PDPR: variants seen among roughly 807,000 people sequenced by gnomAD.
PDPR encodes pyruvate dehydrogenase phosphatase regulatory subunit, also known as pyruvate dehydrogenase phosphatase regulatory subunit, mitochondrial.
Under a neutral mutation model 102.2 loss-of-function variants are expected in PDPR, and 50 were observed. That is an observed-to-expected ratio of 0.49 (90% CI 0.39 to 0.62). PDPR has a LOEUF of 0.62. Ranked by LOEUF, PDPR falls within the 20% of genes least tolerant of loss-of-function variation. The pLI, the probability that PDPR is intolerant of heterozygous loss-of-function variation, is 0.00. For missense variants in PDPR, 625 were observed against 1,098.2 expected, an observed-to-expected ratio of 0.57 and a Z score of 6.09; for synonymous variants, 259 against 406.0, an observed-to-expected ratio of 0.64 and a Z score of 4.35.
intron 10 of PDPR, among the ~76,000 whole-genome samples, chr16:70,137,142 T>C (rs545742730): frequency 3.7e-3 from 567 of 152,034 alleles, no homozygotes; most frequent in Middle Eastern, 0.027. Context: ...CACAAGGTCA[T>C]GAGATCGAGA....
At chr16:70,134,420 T>A (rs1423636495) in intron 9 of PDPR, among the ~76,000 whole-genome samples, 1 of 151,776 alleles carries the variant, frequency 6.6e-6, no homozygotes, top group Non-Finnish European at 1.5e-5. Flanking sequence ...GAGATGGGGT[T>A]TCACTATTTG....
intron 2 of PDPR, among the ~76,000 whole-genome samples, chr16:70,118,314 A>T (rs1398759421): frequency 6.6e-6 from 1 of 152,244 alleles, no homozygotes; most frequent in Non-Finnish European, 1.5e-5. Flanking sequence ...TCAGGGAATG[A>T]GATGAGCCAG....
At chr16:70,145,605 T>A in intron 15 of PDPR, 1 of 380,200 alleles carries the variant, frequency 2.6e-6, no homozygotes, top group South Asian at 2.0e-5. Context: ...GCAAATATGA[T>A]ATACGTCCTG....
At chr16:70,133,274 A>T (rs1964733245) in intron 9 of PDPR, among the ~76,000 whole-genome samples, 1 of 151,044 alleles carries the variant, frequency 6.6e-6, no homozygotes, top group Non-Finnish European at 1.5e-5. Flanking sequence ...AGCGCCTGCC[A>T]CCACTCCCGA....
Position 70,128,837 on chromosome 16 carries a change from T to G in PDPR, c.415T>G (p.Ser139Ala). ...FLAQTQDRLI[S>A]LKRINAGLNV... Reference sequence around the variant, plus strand: ...GGCCCAAACTCAGGACCGACTGATCTCCCTGAAGCGCATCAACGCAGGGCT... The same window carrying G: ...GGCCCAAACTCAGGACCGACTGATCGCCCTGAAGCGCATCAACGCAGGGCT... Residue 139 changes from serine (S) to alanine (A), a missense_variant, in exon 5 of 19, where the codon TCC becomes GCC. Physicochemically the swap from Ser to Ala is moderately conservative, Grantham distance 99. This residue lies in a region of PDPR where 5 missense variants were observed against 92.5 expected (regional missense o/e 0.05). Coordinates refer to ENST00000288050, the MANE Select transcript of PDPR (RefSeq NM_017990.5). 1 of 1,613,524 alleles carries G rather than the reference T, an allele frequency of 6.2e-7. No individual in the cohort carries two copies. The highest frequency in any genetic ancestry group is 8.5e-7 in the Non-Finnish European group (1 of 1,179,618).
chr16:70,139,855 C>G (rs1271897116), intron 11 of PDPR, among the ~76,000 whole-genome samples: 1 of 152,272 alleles, frequency 6.6e-6, no homozygotes, highest in African/African-American at 2.4e-5. Flanking sequence ...GACCACCATT[C>G]TTGGTTGCAA....
intron 9 of PDPR, among the ~76,000 whole-genome samples, chr16:70,133,229 C>A (rs549321603): frequency 6.6e-6 from 1 of 151,118 alleles, no homozygotes; most frequent in Non-Finnish European, 1.5e-5. Context: ...ATTCTCCTGC[C>A]TCAGCCTCCA....
At chr16:70,123,733 C>G (rs1282120263) in intron 3 of PDPR, among the ~76,000 whole-genome samples, 2 of 152,252 alleles carry the variant, frequency 1.3e-5, no homozygotes, top group African/African-American at 4.8e-5. Flanking sequence ...TGATATAAGG[C>G]AGACTATTTA....
Position 70,148,519 on chromosome 16 carries a change from G to T in PDPR, c.2018G>T (p.Gly673Val). Residue 673 changes from glycine to valine, a missense_variant, in exon 17 of 19, where the codon GGA becomes GTA. By Grantham distance (109) the Gly-to-Val change is moderately radical. This residue lies in a region of PDPR where 36 missense variants were observed against 62.8 expected (regional missense o/e 0.57). Coordinates refer to ENST00000288050, the MANE Select transcript of PDPR (RefSeq NM_017990.5). ...CGGGTGATGAGCATGACGCACACAG[G>T]AGAGCCAGGATTCATGCTCTACATC... ...GIRVMSMTHTGEPGFMLYIPI... is the reference protein window; with the variant it reads ...GIRVMSMTHTVEPGFMLYIPI... The T allele has an allele frequency of 6.2e-7, 1 of 1,613,488 alleles. No individual in the cohort carries two copies. The highest frequency in any genetic ancestry group is 8.5e-7 in the Non-Finnish European group (1 of 1,179,594).
At chr16:70,163,266 GTTTTT>G (rs67708146), downstream of PDPR, among the ~76,000 whole-genome samples, 31 of 149,498 alleles carry the variant, frequency 2.1e-4, no homozygotes, top group Non-Finnish European at 1.5e-4. Flanking sequence ...TTTTTGAGTA[GTTTTT>G]TTTTTTTTAA....
intron 3 of PDPR, among the ~76,000 whole-genome samples, chr16:70,122,903 G>A (rs28889346): frequency 6.7e-6 from 1 of 150,256 alleles, no homozygotes; most frequent in African/African-American, 2.5e-5. Context: ...TTTATGCAGT[G>A]GATAGTTTTT....
At position 70,157,164 on chromosome 16, in the gene PDPR, C is replaced by A. The variant is rs753721691; in HGVS notation, c.*285C>A. 1.6e-6 allele frequency: 1 copy of A among 640,222 alleles called. No individual in the cohort carries two copies. The highest frequency in any genetic ancestry group is 1.5e-5 in the South Asian group (1 of 66,066). The allele number at this position is 640,222 out of a possible 1,614,324, so 39.7% of individuals were successfully genotyped here. A position where few individuals can be genotyped will look rare whatever the true frequency, so the allele number is the denominator to read the frequency against. ...GGAGGTATGTCTGACAGGACAGAAGCAAGCTCCACTGTGGACATGAGTGAT... is the reference window on the plus strand; with the variant it reads ...GGAGGTATGTCTGACAGGACAGAAGAAAGCTCCACTGTGGACATGAGTGAT... On this transcript the variant is annotated 3_prime_UTR_variant, in exon 19 of 19. Transcript: ENST00000288050.
At chr16:70,126,595 C>T (rs1963996049) in intron 3 of PDPR, among the ~76,000 whole-genome samples, 1 of 152,246 alleles carries the variant, frequency 6.6e-6, no homozygotes, top group African/African-American at 2.4e-5. Flanking sequence ...GATCTCCTGA[C>T]CTTGTGATCC....
At position 70,156,836 on chromosome 16, in the gene PDPR, G is replaced by T. The variant is rs375340611; in HGVS notation, c.2597G>T (p.Arg866Leu). 1 of 1,613,970 alleles carries T rather than the reference G, an allele frequency of 6.2e-7. No homozygotes were observed. The highest frequency in any genetic ancestry group is 8.5e-7 in the Non-Finnish European group (1 of 1,179,884). The change falls in exon 19 of 19, where the codon CGC (arginine) becomes CTC (leucine). Residue 866 changes from arginine (R) to leucine (L), a missense_variant. Coordinates refer to ENST00000288050, the MANE Select transcript of PDPR (RefSeq NM_017990.5). ...YPVASLFTQKRRKDDMELSDL... is the reference protein window; with the variant it reads ...YPVASLFTQKLRKDDMELSDL... ...GTCGCCTCCCTCTTCACCCAGAAGC[G>T]CCGAAAGGATGACATGGAGCTGAGT... is the stretch of plus-strand genomic sequence containing the variant.
At chr16:70,120,799 C>A (rs1963167132) in intron 3 of PDPR, 80 bp downstream of exon 3, 3 of 885,856 alleles carry the variant, frequency 3.4e-6, no homozygotes, top group East Asian at 2.5e-5. Context: ...AGATACTGCC[C>A]CACCAGTAGC....
At chr16:70,147,322 A>C (rs1966317423) in intron 16 of PDPR, among the ~76,000 whole-genome samples, 1 of 151,992 alleles carries the variant, frequency 6.6e-6, no homozygotes, top group African/African-American at 2.4e-5. Context: ...CTCTAAATGT[A>C]AAGTCTTTAT....
At chr16:70,127,971 G>A (rs1214140386) in intron 4 of PDPR, among the ~76,000 whole-genome samples, 2 of 151,708 alleles carry the variant, frequency 1.3e-5, no homozygotes, top group Non-Finnish European at 2.9e-5. Flanking sequence ...CCTTGAGATG[G>A]TGACCTCTAG....
At chr16:70,118,506 G>T (rs908812925) in intron 2 of PDPR, among the ~76,000 whole-genome samples, 2 of 152,260 alleles carry the variant, frequency 1.3e-5, no homozygotes, top group African/African-American at 4.8e-5. Context: ...GAAGCCAGGA[G>T]GTTGACAGTG....
rs1406446497 is a variant in PDPR at position 70,156,698 on chromosome 16, T to A, written c.2459T>A (p.Phe820Tyr). 7 of 1,614,090 alleles carry A rather than the reference T, an allele frequency of 4.3e-6. No homozygotes were observed. Among genetic ancestry groups the A allele is most frequent in the Non-Finnish European group, 5.1e-6 (6 of 1,179,908 alleles). Residue 820 changes from phenylalanine (F) to tyrosine (Y), a missense_variant, in exon 19 of 19, where the codon TTT (phenylalanine) becomes TAT (tyrosine). Phe to Tyr is a conservative substitution (Grantham distance 22). Coordinates refer to ENST00000288050, the MANE Select transcript of PDPR (RefSeq NM_017990.5). Reference sequence around the variant, plus strand: ...GTTTGCCTGGGCTTTGTGCACAATTTTTCTGAGGACACGGGGGAAGAGCAA... The same window carrying A: ...GTTTGCCTGGGCTTTGTGCACAATTATTCTGAGGACACGGGGGAAGAGCAA... ...RHVCLGFVHNFSEDTGEEQVV... is the reference protein window; with the variant it reads ...RHVCLGFVHNYSEDTGEEQVV...
Sources: gnomAD v4.1 joint callset for allele counts (sites outside exome capture counted in the v4.1 genomes callset) on GRCh38, gnomAD v4.1.1 for gene constraint, gnomAD v4.1.1 regional missense constraint, MANE v1.5 for transcripts, NCBI Gene and HGNC (gene_info 2026-07-23, HGNC 2026-07-21) for gene names.